Variants in NR3C2 observed in about 807,000 individuals in gnomAD.
NR3C2 encodes nuclear receptor subfamily 3 group C member 2.
Under a neutral mutation model 86.4 loss-of-function variants are expected in NR3C2, and 15 were observed. That is an observed-to-expected ratio of 0.17 (90% confidence interval 0.12 to 0.27). NR3C2 has a LOEUF of 0.27. Ranked by LOEUF, NR3C2 falls within the 10% of genes least tolerant of loss-of-function variation. The probability of loss-of-function intolerance (pLI) is 1.00; values close to 1 mark genes in which losing one functional copy is unlikely to be tolerated. For synonymous variants in NR3C2, 458 were observed against 450.5 expected, an observed-to-expected ratio of 1.02 and a Z score of -0.21; for missense variants, 960 against 1,195.6, an observed-to-expected ratio of 0.80 and a Z score of 2.91.
At chr4:148,111,383 T>C (rs2149725550) in intron 8 of NR3C2, among the ~76,000 whole-genome samples, 1 of 152,352 alleles carries the variant, frequency 6.6e-6, no homozygotes, top group East Asian at 1.9e-4. Flanking sequence ...GTGGGAACAG[T>C]AAATTGTTCA....
At chr4:148,253,351 A>G (rs982020098) in intron 3 of NR3C2, among the ~76,000 whole-genome samples, 3 of 152,206 alleles carry the variant, frequency 2.0e-5, no homozygotes, top group African/African-American at 7.2e-5. Context: ...AACTGCATAG[A>G]TTCAATAATG....
intron 2 of NR3C2, among the ~76,000 whole-genome samples, chr4:148,316,586 C>G (rs1004029156): frequency 4.6e-5 from 7 of 152,084 alleles, no homozygotes; most frequent in African/African-American, 1.7e-4. Context: ...CTGAAATGCT[C>G]TCTTTGCAAT....
chr4:148,186,021 A>G (rs1261722918), intron 4 of NR3C2, among the ~76,000 whole-genome samples: 1 of 152,204 alleles, frequency 6.6e-6, no homozygotes, highest in Non-Finnish European at 1.5e-5. Context: ...GCCTTTTAAC[A>G]TTTTATTGAA....
intron 1 of NR3C2, among the ~76,000 whole-genome samples, chr4:148,441,761 T>C (rs1448114011): frequency 6.6e-6 from 1 of 152,182 alleles, no homozygotes; most frequent in East Asian, 1.9e-4. Context: ...CTCCTTCAAC[T>C]GCCCTTATGC....
At chr4:148,228,981 T>C (rs958024945) in intron 3 of NR3C2, among the ~76,000 whole-genome samples, 4 of 152,070 alleles carry the variant, frequency 2.6e-5, no homozygotes, top group Non-Finnish European at 4.4e-5. Flanking sequence ...GATGAACAAT[T>C]ATGGTGAAAG....
At position 148,420,657 on chromosome 4, in the gene NR3C2, A is replaced by C. The variant is rs566714965; in HGVS notation, c.1757+14447T>G. On this transcript the variant is annotated intron_variant, in intron 2 of 8. Transcript: ENST00000358102. ...TAGTTTGGATCTCTGTCCCCACCCA[A>C]ACCTCATGTCAAACTGTAATCCCCA... Among the ~76,000 whole-genome samples, 7 of 152,204 alleles carry C rather than the reference A, an allele frequency of 4.6e-5. No individual in the cohort carries two copies. In the East Asian group the frequency reaches 1.2e-3, roughly 25 times the overall value.
At chr4:148,190,165 G>T (rs1223945472) in intron 4 of NR3C2, among the ~76,000 whole-genome samples, 1 of 152,108 alleles carries the variant, frequency 6.6e-6, no homozygotes, top group Non-Finnish European at 1.5e-5. Context: ...TTTGATGTAG[G>T]CATTCAGGGC....
chr4:148,251,367 T>G (rs1038374932), intron 3 of NR3C2, among the ~76,000 whole-genome samples: 1 of 152,346 alleles, frequency 6.6e-6, no homozygotes, highest in South Asian at 2.1e-4. Flanking sequence ...TTGATGACAG[T>G]CAATTTAGCA....
At chr4:148,126,367 T>A (rs1478603390) in intron 6 of NR3C2, among the ~76,000 whole-genome samples, 1 of 152,222 alleles carries the variant, frequency 6.6e-6, no homozygotes, top group East Asian at 1.9e-4. Flanking sequence ...AGACCAATGA[T>A]CATTTGGTTG....
chr4:148,251,572 G>A (rs1197216537), intron 3 of NR3C2, among the ~76,000 whole-genome samples: 1 of 152,160 alleles, frequency 6.6e-6, no homozygotes, highest in Non-Finnish European at 1.5e-5. Flanking sequence ...TTTGTATGAG[G>A]AAGGCCATTC....
intron 8 of NR3C2, among the ~76,000 whole-genome samples, chr4:148,100,821 C>G (rs1195777922): frequency 1.3e-5 from 2 of 152,218 alleles, no homozygotes; most frequent in Non-Finnish European, 2.9e-5. Context: ...CCAAATGTCT[C>G]TTGACAGATT....
intron 2 of NR3C2, among the ~76,000 whole-genome samples, chr4:148,262,552 G>A (rs147085900): frequency 1.3e-5 from 2 of 151,948 alleles, no homozygotes; most frequent in East Asian, 3.9e-4. Flanking sequence ...CTCAGTTAAC[G>A]GCAACTACTA....
intron 2 of NR3C2, among the ~76,000 whole-genome samples, chr4:148,416,459 AAAG>A (rs1749005082): frequency 6.6e-6 from 1 of 152,216 alleles, no homozygotes; most frequent in African/African-American, 2.4e-5. Context: ...TGAGGCACCA[AAAG>A]GTTAATAAAT....
chr4:148,107,250 C>T (rs916821653), intron 8 of NR3C2, among the ~76,000 whole-genome samples: 2 of 152,230 alleles, frequency 1.3e-5, no homozygotes, highest in Non-Finnish European at 2.9e-5. Context: ...AAAAAAAGCT[C>T]ATCATCACTG....
intron 7 of NR3C2, 107 bp from the exon 8 acceptor site, chr4:148,114,368 T>G: frequency 8.5e-7 from 1 of 1,172,972 alleles, no homozygotes; most frequent in Non-Finnish European, 1.2e-6. Flanking sequence ...TAAATCTCAA[T>G]TAATTGCATT....
At chr4:148,154,957 A>G in intron 4 of NR3C2, 56 bp from the exon 5 acceptor site, 1 of 1,374,962 alleles carries the variant, frequency 7.3e-7, no homozygotes, top group East Asian at 2.5e-5. Context: ...AAATATGCTG[A>G]CTCACACTGG....
intron 6 of NR3C2, among the ~76,000 whole-genome samples, chr4:148,127,098 C>T (rs1267824952): frequency 6.6e-6 from 1 of 152,180 alleles, no homozygotes; most frequent in Non-Finnish European, 1.5e-5. Flanking sequence ...AATTCCATTG[C>T]TGTTTCCATT....
intron 2 of NR3C2, among the ~76,000 whole-genome samples, chr4:148,310,230 G>C (rs1742840849): frequency 1.3e-5 from 2 of 152,080 alleles, no homozygotes; most frequent in South Asian, 2.1e-4. Flanking sequence ...AATTCCTCCA[G>C]CTACCTGGTG....
intron 2 of NR3C2, among the ~76,000 whole-genome samples, chr4:148,398,691 G>A (rs891216100): frequency 1.3e-5 from 2 of 152,168 alleles, no homozygotes; most frequent in Admixed American, 6.5e-5. Context: ...TTTACTGAAT[G>A]CTCCGTATGT....
Sources: gnomAD v4.1 joint callset for allele counts (sites outside exome capture counted in the v4.1 genomes callset) on GRCh38, gnomAD v4.1.1 for gene constraint, MANE v1.5 for transcripts, NCBI Gene and HGNC (gene_info 2026-07-23, HGNC 2026-07-21) for gene names.